Variants in DNMBP observed in about 807,000 individuals in gnomAD.
The protein encoded by DNMBP is dynamin-binding protein.
DNMBP carries 87 observed loss-of-function variants against 150.0 expected under a neutral mutation model. The observed-to-expected ratio is 0.58, with a 90% CI of 0.49 to 0.69. The LOEUF (loss-of-function observed/expected upper bound fraction) is 0.69, where lower values mean the gene tolerates loss of function less well. Among genes scored for constraint, DNMBP ranks in the 30% least tolerant of loss-of-function variants. The pLI is 0.00. For synonymous variants in DNMBP, 711 were observed against 750.4 expected, an observed-to-expected ratio of 0.95 and a Z score of 0.86; for missense variants, 1,774 against 1,949.0, an observed-to-expected ratio of 0.91 and a Z score of 1.69.
intron 10 of DNMBP, 130 bp from the exon 11 acceptor site, chr10:99,895,180 G>A: frequency 1.7e-6 from 1 of 595,524 alleles, no homozygotes; most frequent in Non-Finnish European, 2.9e-6. Context: ...AGGTTGGAGT[G>A]CAATGGCATG....
intron 4 of DNMBP, among the ~76,000 whole-genome samples, chr10:99,954,286 C>T (rs1292638586): frequency 6.6e-6 from 1 of 152,072 alleles, no homozygotes; most frequent in African/African-American, 2.4e-5. Context: ...AATCCACCCA[C>T]CGCAGCCTTC....
intron 3 of DNMBP, among the ~76,000 whole-genome samples, chr10:99,962,888 G>A (rs1366704738): frequency 1.3e-5 from 2 of 152,052 alleles, no homozygotes; most frequent in Non-Finnish European, 2.9e-5. Context: ...AATAAGGCTT[G>A]TTTTCCTATC....
At chr10:99,959,626 A>C (rs972030290) in intron 3 of DNMBP, among the ~76,000 whole-genome samples, 1 of 151,978 alleles carries the variant, frequency 6.6e-6, no homozygotes, top group Non-Finnish European at 1.5e-5. Flanking sequence ...GCTGAGGTAG[A>C]AGGATTGCTG....
In DNMBP at chr10:99,884,069, A is replaced by G; in HGVS notation, c.3939T>C (p.Gly1313=). 6.2e-7 allele frequency: 1 copy of G among 1,613,576 alleles called. No homozygotes were observed. Among genetic ancestry groups the G allele is most frequent in the Non-Finnish European group, 8.5e-7 (1 of 1,179,932 alleles). ...DVSLLEGDLV[G]VIKKKDPMGS... is the part of the protein sequence containing the mutation. Reference sequence around the variant, plus strand: ...CCATGGGGTCTTTTTTCTTAATCACACCCACCAGGTCACCTTCCAAAAGTG... The same window carrying G: ...CCATGGGGTCTTTTTTCTTAATCACGCCCACCAGGTCACCTTCCAAAAGTG... The change falls in exon 15 of 17, where the codon GGT becomes GGC. Residue 1313 remains glycine (G), a synonymous_variant. Transcript: ENST00000324109.
intron 15 of DNMBP, 74 bp downstream of exon 15, chr10:99,883,927 TCCTGGCCTAG>T: frequency 7.4e-7 from 1 of 1,343,198 alleles, no homozygotes; most frequent in Non-Finnish European, 1.0e-6. Context: ...TGCTTTTTTT[TCCTGGCCTAG>T]TCCAGATTCG....
intron 4 of DNMBP, among the ~76,000 whole-genome samples, chr10:99,936,392 C>T (rs1188667614): frequency 6.6e-6 from 1 of 152,018 alleles, no homozygotes; most frequent in Non-Finnish European, 1.5e-5. Context: ...CTTTTAAGAT[C>T]TCATTATAAT....
intron 11 of DNMBP, among the ~76,000 whole-genome samples, chr10:99,891,866 C>A (rs1164961828): frequency 6.6e-6 from 1 of 150,602 alleles, no homozygotes; most frequent in African/African-American, 2.5e-5. Context: ...CCGGCCACGA[C>A]CCCGTCTGGG....
chr10:99,931,177 T>C (rs2040153013), intron 4 of DNMBP, among the ~76,000 whole-genome samples: 1 of 152,210 alleles, frequency 6.6e-6, no homozygotes, highest in Admixed American at 6.5e-5. Context: ...GGTCAGGTCA[T>C]ATATCAGTCT....
chr10:99,925,519 G>A (rs577509541), intron 4 of DNMBP, among the ~76,000 whole-genome samples: 2 of 152,156 alleles, frequency 1.3e-5, no homozygotes, highest in African/African-American at 4.8e-5. Context: ...GGGTTCAAGC[G>A]ATTCTCCCGC....
At chr10:99,943,203 T>C (rs2040321203) in intron 4 of DNMBP, among the ~76,000 whole-genome samples, 1 of 151,860 alleles carries the variant, frequency 6.6e-6, no homozygotes, top group African/African-American at 2.4e-5. Context: ...AAGAATCGCT[T>C]GAACCCGGGA....
At position 99,898,109 on chromosome 10, in the gene DNMBP, T is replaced by A. The variant is rs756833299; in HGVS notation, c.2897A>T (p.Glu966Val). The A allele has an allele frequency of 1.2e-6, 2 of 1,614,114 alleles. No homozygotes were observed. The highest frequency in any genetic ancestry group is 4.5e-5 in the East Asian group (2 of 44,880). ...ACCCAGGTCCTTTCGCCGTTTATAT[T>A]CATTAATGTTAACGTTGATTTCCTT... ...AVKEINVNIN[E>V]YKRRKDLVLK... Residue 966 changes from glutamate (E) to valine (V), a missense_variant, in exon 9 of 17, where the codon GAA becomes GTA. Coordinates refer to ENST00000324109, the MANE Select transcript of DNMBP (RefSeq NM_015221.4).
chr10:99,929,511 G>T, intron 4 of DNMBP: 2 of 597,198 alleles, frequency 3.3e-6, no homozygotes, highest in South Asian at 2.1e-5. Flanking sequence ...TTCAGGGCCC[G>T]GGCTCCTTAA....
At chr10:99,955,088 T>A in intron 4 of DNMBP, 126 bp downstream of exon 4, 2 of 770,768 alleles carry the variant, frequency 2.6e-6, no homozygotes, top group Admixed American at 2.7e-5. Context: ...AGAAATTAGG[T>A]AATGAAAATG....
At position 99,879,915 on chromosome 10, in the gene DNMBP, G is replaced by A. The variant is rs752632792; in HGVS notation, c.4444C>T (p.Arg1482Ter). 2.5e-6 allele frequency: 4 copies of A among 1,614,086 alleles called. No individual in the cohort carries two copies. Among genetic ancestry groups the A allele is most frequent in the African/African-American group, 1.3e-5 (1 of 74,920 alleles). ...ACGAGGTCTTGACTTTGCCCATTTC[G>A]TCCTGGTACGGAGTAGCCAACTATT... ...PEIVGYSVPG[R>*]NGQSQDLVKG... is the part of the protein sequence containing the mutation. Residue 1482 changes from arginine (R) to a stop codon, truncating the protein, a stop_gained, in exon 16 of 17, where the codon CGA (arginine) becomes TGA (stop). Transcript: ENST00000324109. LOFTEE classifies it high-confidence loss of function.
chr10:99,911,870 AAATTTTCTTTGTGATCTCAAAG>A (rs563495510), intron 4 of DNMBP, among the ~76,000 whole-genome samples: 20 of 152,328 alleles, frequency 1.3e-4, no homozygotes, highest in African/African-American at 4.6e-4. Flanking sequence ...GGCTTGTTTT[AAATTTTCTTTGTGATCTCAAAG>A]CAACAGACTT....
At chr10:100,003,414 A>ATGTC (rs1309803564) in intron 1 of DNMBP, among the ~76,000 whole-genome samples, 21 of 152,322 alleles carry the variant, frequency 1.4e-4, no homozygotes, top group African/African-American at 4.6e-4. Flanking sequence ...AAGGGACATG[A>ATGTC]TGTCTACAAT....
intron 4 of DNMBP, chr10:99,930,057 T>C (rs2040131040): frequency 1.4e-6 from 1 of 703,024 alleles, no homozygotes; most frequent in East Asian, 2.7e-5. Context: ...CCTGTCCCCT[T>C]CATGGTATTT....
In DNMBP at chr10:99,929,000, C is replaced by T. The variant is rs1337935569; in HGVS notation, c.2261-19854G>A. On this transcript the variant is annotated intron_variant, in intron 4 of 16. Coordinates refer to ENST00000324109, the MANE Select transcript of DNMBP (RefSeq NM_015221.4). The stretch of plus-strand genomic sequence containing the variant: ...CCCTACAAAAAAATAAAAAAGTAGC[C>T]GGGCATGGTGGCATGTACCCATAGT... Among the ~76,000 whole-genome samples the T allele has an allele frequency of 3.3e-5, 5 of 151,946 alleles. No homozygotes were observed. In the South Asian group the frequency reaches 6.2e-4, roughly 19 times the overall value.
chr10:99,943,380 T>TTTTGTTTG (rs150436660), intron 4 of DNMBP, among the ~76,000 whole-genome samples: 8 of 150,998 alleles, frequency 5.3e-5, no homozygotes, highest in Admixed American at 4.6e-4. Flanking sequence ...GTGTGTGGTT[T>TTTTGTTTG]TTTGTTTGTT....
Sources: gnomAD v4.1 joint callset for allele counts (sites outside exome capture counted in the v4.1 genomes callset) on GRCh38, gnomAD v4.1.1 for gene constraint, MANE v1.5 for transcripts, NCBI Gene and HGNC (gene_info 2026-07-23, HGNC 2026-07-21) for gene names.